Variants in SPSB1 observed in about 807,000 individuals in gnomAD.
SPSB1 encodes SPRY domain-containing SOCS box protein 1.
A neutral mutation model predicts 21.2 loss-of-function variants in SPSB1; 8 were observed. The ratio of observed to expected loss-of-function variants is 0.38; its 90% CI spans 0.22 to 0.68. SPSB1 has a LOEUF of 0.68. Ranked by LOEUF, SPSB1 falls within the 30% of genes least tolerant of loss-of-function variation. The pLI is 0.53. For synonymous variants in SPSB1, 169 were observed against 161.7 expected, an observed-to-expected ratio of 1.05 and a Z score of -0.34; for missense variants, 242 against 377.8, an observed-to-expected ratio of 0.64 and a Z score of 2.98.
At chr1:9,301,814 A>T (rs934921282) in intron 1 of SPSB1, among the ~76,000 whole-genome samples, 4 of 152,224 alleles carry the variant, frequency 2.6e-5, no homozygotes, top group African/African-American at 9.6e-5. Flanking sequence ...GAGCTCCAGT[A>T]TGGCCCCATT....
At chr1:9,304,772 C>T (rs1639385908) in intron 1 of SPSB1, among the ~76,000 whole-genome samples, 1 of 152,130 alleles carries the variant, frequency 6.6e-6, no homozygotes, top group Non-Finnish European at 1.5e-5. Context: ...GCTCAACGCT[C>T]AAGCAATCCT....
chr1:9,312,884 G>A lies in SPSB1; in HGVS notation c.-150+19813G>A, dbSNP rs188563431. On this transcript the variant is annotated intron_variant, in intron 1 of 2. Coordinates refer to ENST00000328089, the MANE Select transcript of SPSB1 (RefSeq NM_025106.4). Reference sequence around the variant, plus strand: ...GAGGTGAGGTGGCCAGAGGCAGTGCGTGCCGATTGTCCAAAGCCAGGCCCA... The same window carrying A: ...GAGGTGAGGTGGCCAGAGGCAGTGCATGCCGATTGTCCAAAGCCAGGCCCA... 1.6e-3 allele frequency among the ~76,000 whole-genome samples: 244 copies of A among 152,288 alleles called. 1 individual carries two copies. The highest frequency in any genetic ancestry group is 5.6e-3 in the African/African-American group (234 of 41,552).
chr1:9,355,687 C>T, intron 1 of SPSB1, 56 bp from the exon 2 acceptor site: 1 of 1,291,990 alleles, frequency 7.7e-7, no homozygotes, highest in Non-Finnish European at 9.8e-7. Context: ...TCCGGGTTAA[C>T]TTTCCCCTTC....
chr1:9,319,387 T>C (rs1010733306), intron 1 of SPSB1, among the ~76,000 whole-genome samples: 2 of 151,374 alleles, frequency 1.3e-5, no homozygotes, highest in African/African-American at 4.9e-5. Context: ...TCAGGTGCTT[T>C]GCTTCTCCTC....
At chr1:9,312,081 G>T (rs1305764911) in intron 1 of SPSB1, among the ~76,000 whole-genome samples, 1 of 152,028 alleles carries the variant, frequency 6.6e-6, no homozygotes, top group Non-Finnish European at 1.5e-5. Flanking sequence ...CTCCTCAAGT[G>T]ATCCTCCCTC....
At chr1:9,314,290 G>A (rs1639574355) in intron 1 of SPSB1, among the ~76,000 whole-genome samples, 2 of 151,882 alleles carry the variant, frequency 1.3e-5, no homozygotes, top group Admixed American at 1.3e-4. Flanking sequence ...ATCTGGCCAT[G>A]CCCCACTGAA....
chr1:9,354,184 T>C (rs184117263), intron 1 of SPSB1, among the ~76,000 whole-genome samples: 36 of 152,140 alleles, frequency 2.4e-4, no homozygotes, highest in Admixed American at 5.9e-4. Flanking sequence ...CCCTCTGAGG[T>C]CCCTGGATTT....
At chr1:9,361,831 C>T (rs1194524138) in intron 2 of SPSB1, among the ~76,000 whole-genome samples, 1 of 152,218 alleles carries the variant, frequency 6.6e-6, no homozygotes, top group Non-Finnish European at 1.5e-5. Flanking sequence ...CCGGGCCTGC[C>T]CGCCACCCTC....
chr1:9,308,424 G>A (rs1283306359), intron 1 of SPSB1, among the ~76,000 whole-genome samples: 1 of 152,190 alleles, frequency 6.6e-6, no homozygotes, highest in African/African-American at 2.4e-5. Flanking sequence ...CAGATGGGTG[G>A]GGTTGCCTCA....
chr1:9,312,668 A>G (rs1639542837), intron 1 of SPSB1, among the ~76,000 whole-genome samples: 1 of 152,108 alleles, frequency 6.6e-6, no homozygotes, highest in Non-Finnish European at 1.5e-5. Context: ...CATGAGCTGA[A>G]TTTTGCAATG....
rs915594655 is a variant in SPSB1, at chr1:9,363,433, C to T, written c.695-4015C>T. Among the ~76,000 whole-genome samples, 3 of 152,088 alleles carry T rather than the reference C, an allele frequency of 2.0e-5. No homozygotes were observed. Among genetic ancestry groups the T allele is most frequent in the Non-Finnish European group, 4.4e-5 (3 of 68,018 alleles). Reference sequence around the variant, plus strand: ...AGAGATGGCCAGGCTGTGGCAAGTCCTCTACCCCACACAGCTGCGTTCACA... The same window carrying T: ...AGAGATGGCCAGGCTGTGGCAAGTCTTCTACCCCACACAGCTGCGTTCACA... On this transcript the variant is annotated intron_variant, in intron 2 of 2. Coordinates refer to ENST00000328089, the MANE Select transcript of SPSB1 (RefSeq NM_025106.4). The surrounding 1 kb of genome is among the most constrained non-coding windows in gnomAD (Gnocchi z 4.5).
Position 9,356,248 on chromosome 1 carries a change from G to T in SPSB1, c.357G>T (p.Thr119=). The T allele has an allele frequency of 2.5e-6, 4 of 1,608,316 alleles. No individual in the cohort carries two copies. The highest frequency in any genetic ancestry group is 3.4e-6 in the Non-Finnish European group (4 of 1,176,380). The change falls in exon 2 of 3, where the codon ACG becomes ACT. Residue 119 remains threonine, a synonymous_variant. Coordinates refer to ENST00000328089, the MANE Select transcript of SPSB1 (RefSeq NM_025106.4). The surrounding 1 kb of genome is among the most constrained non-coding windows in gnomAD (Gnocchi z 7.4). The stretch of plus-strand genomic sequence containing the variant: ...CACACGCCGTGGTGGGGGTGGCGAC[G>T]GCAGACGCCCCCCTGCACTCTGTCG... ...RGTHAVVGVA[T]ADAPLHSVGY...
chr1:9,318,752 G>A (rs1282727265), intron 1 of SPSB1, among the ~76,000 whole-genome samples: 1 of 152,206 alleles, frequency 6.6e-6, no homozygotes, highest in Non-Finnish European at 1.5e-5. Context: ...CAGGGCCTCT[G>A]TCAGGCTCTG....
chr1:9,366,524 G>A (rs760167062), intron 2 of SPSB1, among the ~76,000 whole-genome samples: 2 of 151,634 alleles, frequency 1.3e-5, no homozygotes, highest in East Asian at 3.9e-4. Context: ...TCAGATCCCA[G>A]CCCTGAACCT....
chr1:9,357,840 G>A (rs1417426327), intron 2 of SPSB1, among the ~76,000 whole-genome samples: 1 of 151,944 alleles, frequency 6.6e-6, no homozygotes, highest in Non-Finnish European at 1.5e-5. Context: ...CTCACCCCGT[G>A]TACGGCCCTC....
At chr1:9,295,352 T>C (rs1040978101) in intron 1 of SPSB1, among the ~76,000 whole-genome samples, 38 of 152,240 alleles carry the variant, frequency 2.5e-4, no homozygotes, top group African/African-American at 7.5e-4. Context: ...AGCAGTAGCA[T>C]GTTGGCCCCA....
chr1:9,359,376 G>A (rs1306946713), intron 2 of SPSB1, among the ~76,000 whole-genome samples: 1 of 152,204 alleles, frequency 6.6e-6, no homozygotes, highest in Non-Finnish European at 1.5e-5. Context: ...GACACCTCTG[G>A]ACGCTTATTG....
intron 1 of SPSB1, among the ~76,000 whole-genome samples, chr1:9,330,867 T>C (rs569255156): frequency 6.6e-6 from 1 of 152,248 alleles, no homozygotes; most frequent in African/African-American, 2.4e-5. Flanking sequence ...CCATTTTGCG[T>C]TTCCATCAGT....
intron 1 of SPSB1, among the ~76,000 whole-genome samples, chr1:9,311,178 T>A (rs1309231515): frequency 7.7e-6 from 1 of 130,412 alleles, no homozygotes; most frequent in African/African-American, 3.1e-5. Context: ...TTTTTTTTTT[T>A]AATGCCTTCA....
Sources: gnomAD v4.1 joint callset for allele counts (sites outside exome capture counted in the v4.1 genomes callset) on GRCh38, gnomAD v4.1.1 for gene constraint, Gnocchi (gnomAD v3.1) non-coding constraint, MANE v1.5 for transcripts, NCBI Gene and HGNC (gene_info 2026-07-23, HGNC 2026-07-21) for gene names.